The following ZNF423 variants were observed in gnomAD, a reference collection of about 807,000 sequenced individuals.
The protein encoded by ZNF423 is zinc finger protein 423, also known as Ebf-associated zinc finger protein.
A neutral mutation model predicts 95.8 loss-of-function variants in ZNF423; 12 were observed. The observed-to-expected ratio is 0.13, with a 90% confidence interval of 0.08 to 0.20. The LOEUF (loss-of-function observed/expected upper bound fraction) is 0.20. Ranked by LOEUF, ZNF423 falls within the 10% of genes least tolerant of loss-of-function variation. ZNF423 has a pLI of 1.00. For missense variants in ZNF423, 1,316 were observed against 1,737.1 expected (o/e 0.76, Z 4.31); for synonymous variants, 749 against 711.9 (o/e 1.05, Z -0.83).
intron 5 of ZNF423, among the ~76,000 whole-genome samples, chr16:49,602,801 C>G (rs1971419357): frequency 6.6e-6 from 1 of 152,168 alleles, no homozygotes. Flanking sequence ...GTCTCCAAAC[C>G]GAGCACAAGA....
At chr16:49,789,177 T>G (rs1228655382) in intron 2 of ZNF423, among the ~76,000 whole-genome samples, 1 of 152,188 alleles carries the variant, frequency 6.6e-6, no homozygotes, top group African/African-American at 2.4e-5. Flanking sequence ...TTGGAATGAA[T>G]GTGCAGTGAC....
intron 3 of ZNF423, among the ~76,000 whole-genome samples, chr16:49,643,000 T>C (rs1264590581): frequency 6.6e-6 from 1 of 151,982 alleles, no homozygotes; most frequent in Non-Finnish European, 1.5e-5. Context: ...TTTGTATTTT[T>C]AGTAGAGACA....
rs1307831237 is a variant in ZNF423, at chr16:49,703,193, C to T, written c.301+27578G>A. Among the ~76,000 whole-genome samples the T allele has an allele frequency of 3.9e-5, 6 of 152,314 alleles. No homozygotes were observed. In the East Asian group the frequency reaches 1.2e-3, roughly 29 times the overall value. On this transcript the variant is annotated intron_variant, in intron 3 of 7. Transcript: ENST00000563137. ...GGCGACCTGCTTAACCGTGTCATGG[C>T]CGCTGGAACACACAAAGAAATCTCC...
chr16:49,640,704 C>G (rs1972946741), intron 3 of ZNF423: 1 of 152,342 alleles, frequency 6.6e-6, no homozygotes, highest in South Asian at 2.1e-4. Context: ...TTCTCCAAAG[C>G]TCCCGACTGC....
At chr16:49,818,164 C>T (rs78332158) in intron 1 of ZNF423, among the ~76,000 whole-genome samples, 4,348 of 152,176 alleles carry the variant, frequency 0.029, 103 homozygotes, top group East Asian at 0.067. Flanking sequence ...CTCCTTGATG[C>T]ACCGCCCCCC....
intron 1 of ZNF423, among the ~76,000 whole-genome samples, chr16:49,845,268 C>CTATTTTTTTTA (rs2035233148): frequency 6.6e-6 from 1 of 151,620 alleles, no homozygotes; most frequent in East Asian, 2.0e-4. Flanking sequence ...CCACGCCTGG[C>CTATTTTTTTTA]TATTTTTTTT....
chr16:49,822,277 G>C (rs1439552019), intron 1 of ZNF423, among the ~76,000 whole-genome samples: 2 of 151,674 alleles, frequency 1.3e-5, no homozygotes, highest in Admixed American at 6.6e-5. Flanking sequence ...AGGTTCAAGT[G>C]ATTCTCACGC....
chr16:49,848,394 C>T (rs2035267470), intron 1 of ZNF423, among the ~76,000 whole-genome samples: 1 of 152,246 alleles, frequency 6.6e-6, no homozygotes, highest in African/African-American at 2.4e-5. Flanking sequence ...AATACTTCTT[C>T]TGCAAATGAA....
At chr16:49,788,022 CG>C (rs1219697217) in intron 2 of ZNF423, among the ~76,000 whole-genome samples, 5 of 152,206 alleles carry the variant, frequency 3.3e-5, no homozygotes, top group African/African-American at 9.6e-5. Context: ...AGGAGACACA[CG>C]GGGGGCTACA....
rs61496048 is a variant in ZNF423 at position 49,625,567 on chromosome 16, T to C, written c.3601+603A>G. On this transcript the variant is annotated intron_variant, in intron 5 of 7. Transcript: ENST00000563137. The stretch of plus-strand genomic sequence containing the variant: ...CAGAACATCCAGCTGTGCCCTCTCC[T>C]ACAATGAGGGCACCCCTAGCTGCCA... 4.3e-3 allele frequency among the ~76,000 whole-genome samples: 662 copies of C among 152,190 alleles called. 4 individuals are homozygous for C. Among genetic ancestry groups the C allele is most frequent in the African/African-American group, 0.015 (623 of 41,528 alleles).
At chr16:49,570,466 G>A (rs1312758650) in intron 5 of ZNF423, among the ~76,000 whole-genome samples, 1 of 152,166 alleles carries the variant, frequency 6.6e-6, no homozygotes, top group African/African-American at 2.4e-5. Flanking sequence ...TATATGGTGA[G>A]TTGGGGGGTA....
chr16:49,858,145 G>C (rs901812726), upstream of ZNF423, among the ~76,000 whole-genome samples: 3 of 152,074 alleles, frequency 2.0e-5, no homozygotes, highest in African/African-American at 7.2e-5. The surrounding 1 kb of genome is among the most constrained non-coding windows in gnomAD (Gnocchi z 4.3). Flanking sequence ...CACTTGGAGA[G>C]GGGAGGGCTA....
intron 3 of ZNF423, among the ~76,000 whole-genome samples, chr16:49,661,217 C>CAAAAAAAAA (rs397959711): frequency 1.0e-4 from 10 of 97,788 alleles, no homozygotes; most frequent in African/African-American, 3.4e-4. Flanking sequence ...GACTTCATCT[C>CAAAAAAAAA]AAAAAAAAAA....
At chr16:49,586,357 T>C (rs547640959) in intron 5 of ZNF423, among the ~76,000 whole-genome samples, 2 of 152,274 alleles carry the variant, frequency 1.3e-5, no homozygotes, top group Admixed American at 1.3e-4. Context: ...TGCATATCTA[T>C]AATTAAATAA....
At chr16:49,538,248 G>T (rs1362994193) in intron 5 of ZNF423, among the ~76,000 whole-genome samples, 1 of 152,220 alleles carries the variant, frequency 6.6e-6, no homozygotes, top group African/African-American at 2.4e-5. Flanking sequence ...GGTGCAGCGA[G>T]CAGAACAGCT....
chr16:49,614,485 C>T (rs570210235), intron 5 of ZNF423, among the ~76,000 whole-genome samples: 39 of 152,276 alleles, frequency 2.6e-4, no homozygotes, highest in Middle Eastern at 3.4e-3. Flanking sequence ...AATATAATTC[C>T]ATTTATATAA....
rs1966937947 is a variant in ZNF423 at position 49,491,100 on chromosome 16, T to C, written c.*175A>G. On this transcript the variant is annotated 3_prime_UTR_variant, in exon 8 of 8. Coordinates refer to ENST00000563137, the MANE Select transcript of ZNF423 (RefSeq NM_001379286.1). ...TACTGAGCATGGAATACTTTTAATC[T>C]CTGCCATTAATATTCATTTCCAGCT... The C allele has an allele frequency of 8.4e-6, 6 of 716,380 alleles. No homozygotes were observed. The highest frequency in any genetic ancestry group is 1.5e-5 in the Non-Finnish European group (6 of 410,054). 44.4% of individuals were successfully genotyped at this position (716,380 alleles called of 1,614,324 possible). A position where few individuals can be genotyped will look rare whatever the true frequency, so the allele number is the denominator to read the frequency against.
intron 5 of ZNF423, among the ~76,000 whole-genome samples, chr16:49,600,415 C>T (rs1849738838): frequency 6.6e-6 from 1 of 152,142 alleles, no homozygotes; most frequent in African/African-American, 2.4e-5. Flanking sequence ...GGGCAGCTCT[C>T]CCCACAGGAT....
rs371974425 is a variant in ZNF423, at chr16:49,677,768, A to AAG, written c.302-38896_302-38895dup. ...GACCCTGTCTCAAAAAAAAAAAAAA[A>AAG]AGAGAGAGAGAGAGAGAGAATGATT... is the stretch of plus-strand genomic sequence containing the variant. On this transcript the variant is annotated intron_variant, in intron 3 of 7. Coordinates refer to ENST00000563137, the MANE Select transcript of ZNF423 (RefSeq NM_001379286.1). 3.4e-3 allele frequency among the ~76,000 whole-genome samples: 496 copies of AAG among 147,704 alleles called. 3 individuals are homozygous for AAG. The highest frequency in any genetic ancestry group is 0.011 in the African/African-American group (442 of 39,002).
Sources: gnomAD v4.1 joint callset for allele counts (sites outside exome capture counted in the v4.1 genomes callset) on GRCh38, gnomAD v4.1.1 for gene constraint, Gnocchi (gnomAD v3.1) non-coding constraint, MANE v1.5 for transcripts, NCBI Gene and HGNC (gene_info 2026-07-23, HGNC 2026-07-21) for gene names.